The following TMF1 variants were observed in gnomAD, a reference collection of about 807,000 sequenced individuals.
TMF1 encodes TATA element modulatory factor 1.
In TMF1, 71 loss-of-function variants were observed where a neutral mutation model predicts 126.5. The observed-to-expected ratio is 0.56, with a 90% CI of 0.46 to 0.68. The LOEUF (loss-of-function observed/expected upper bound fraction) is 0.68. TMF1 is among the 30% of genes least tolerant of loss of function. The pLI is 0.00. For synonymous variants in TMF1, 461 were observed against 430.5 expected (o/e 1.07, Z -0.88); for missense variants, 1,259 against 1,253.2 (o/e 1.00, Z -0.07).
intron 8 of TMF1, among the ~76,000 whole-genome samples, chr3:69,037,540 G>A (rs1213365391): frequency 3.9e-5 from 6 of 152,188 alleles, no homozygotes; most frequent in African/African-American, 1.4e-4. Context: ...TACTCGGGAG[G>A]CTGAAGCAGG....
chr3:69,045,968 A>C (rs2091893627), intron 2 of TMF1, among the ~76,000 whole-genome samples: 1 of 151,814 alleles, frequency 6.6e-6, no homozygotes, highest in African/African-American at 2.4e-5. Flanking sequence ...AGGTGGGAGG[A>C]CTGCTTGAGC....
intron 8 of TMF1, among the ~76,000 whole-genome samples, chr3:69,036,692 C>T (rs1300756024): frequency 6.6e-6 from 1 of 152,088 alleles, no homozygotes; most frequent in African/African-American, 2.4e-5. Context: ...AAATGTTTTA[C>T]ACATACAAAA....
chr3:69,030,063 A>G (rs2091791205), intron 10 of TMF1, 56 bp from the exon 11 acceptor site: 1 of 1,459,582 alleles, frequency 6.9e-7, no homozygotes, highest in Admixed American at 2.2e-5. Flanking sequence ...AGACCAAAAT[A>G]CCAAGTCAAT....
Position 69,020,834 on chromosome 3 carries a change from G to GA in TMF1, c.*2342dup, listed in dbSNP as rs1198234698. 12 of 152,174 alleles carry GA rather than the reference G, an allele frequency of 7.9e-5. No homozygotes were observed. Among genetic ancestry groups the GA allele is most frequent in the African/African-American group, 2.9e-4 (12 of 41,502 alleles). 9.4% of individuals were successfully genotyped at this position (152,174 alleles called of 1,614,324 possible). The stretch of plus-strand genomic sequence containing the variant: ...GAAATTGTTAATACGGATAAAAAAA[G>GA]AATGTTTAATTTTATAAAATTGAAA... On this transcript the variant is annotated 3_prime_UTR_variant, in exon 17 of 17. Coordinates refer to ENST00000398559, the MANE Select transcript of TMF1 (RefSeq NM_007114.3).
At chr3:69,029,542 G>A (rs1204597718) in intron 11 of TMF1, among the ~76,000 whole-genome samples, 2 of 151,446 alleles carry the variant, frequency 1.3e-5, no homozygotes, top group Admixed American at 6.6e-5. Context: ...CCTCCCGGGT[G>A]TAAGCGATTC....
chr3:69,037,404 C>T (rs371034299), intron 8 of TMF1, among the ~76,000 whole-genome samples: 19 of 152,168 alleles, frequency 1.2e-4, no homozygotes, highest in Middle Eastern at 3.4e-3. Flanking sequence ...CTTTGGGAGG[C>T]GGAGGCGGGT....
intron 13 of TMF1, among the ~76,000 whole-genome samples, chr3:69,027,276 G>T (rs2091773830): frequency 6.6e-6 from 1 of 152,112 alleles, no homozygotes; most frequent in Non-Finnish European, 1.5e-5. Flanking sequence ...GATTACAGAT[G>T]TGAGTCCCCA....
intron 8 of TMF1, 178 bp from the exon 9 acceptor site, chr3:69,035,293 T>C (rs900705476): frequency 1.8e-5 from 10 of 561,984 alleles, no homozygotes; most frequent in Admixed American, 1.1e-4. Context: ...TAAAACTGTA[T>C]GTATATTCAA....
At chr3:69,029,197 C>T (rs2107456902) in intron 11 of TMF1, among the ~76,000 whole-genome samples, 1 of 152,038 alleles carries the variant, frequency 6.6e-6, no homozygotes, top group African/African-American at 2.4e-5. Flanking sequence ...CCATGCCTGG[C>T]TAATTTTTGT....
At chr3:69,039,114 TG>T in intron 6 of TMF1, 105 bp from the exon 7 acceptor site, 1 of 1,003,530 alleles carries the variant, frequency 1.0e-6, no homozygotes, top group Non-Finnish European at 1.4e-6. Flanking sequence ...TATATTTTTT[TG>T]AGACAAAGTC....
chr3:69,023,441 C>G (rs1477753648), intron 16 of TMF1, 121 bp from the exon 17 acceptor site: 1 of 819,940 alleles, frequency 1.2e-6, no homozygotes, highest in Non-Finnish European at 1.8e-6. Context: ...ATACTCATCT[C>G]TTTTAAAAAT....
chr3:69,039,769 G>T, intron 5 of TMF1, 76 bp from the exon 6 acceptor site: 1 of 1,465,620 alleles, frequency 6.8e-7, no homozygotes, highest in Non-Finnish European at 9.2e-7. Context: ...TTATCTAATA[G>T]TAACATAAAA....
chr3:69,037,206 G>C (rs2091836716), intron 8 of TMF1, among the ~76,000 whole-genome samples: 1 of 152,212 alleles, frequency 6.6e-6, no homozygotes, highest in Non-Finnish European at 1.5e-5. Flanking sequence ...TTAAGAGAAT[G>C]CAAATCAGCC....
intron 1 of TMF1, among the ~76,000 whole-genome samples, chr3:69,051,208 G>A (rs1292144282): frequency 6.6e-6 from 1 of 152,148 alleles, no homozygotes; most frequent in Non-Finnish European, 1.5e-5. Flanking sequence ...GCACATTACA[G>A]GCTCGTGCCT....
At chr3:69,035,230 C>T in intron 8 of TMF1, 115 bp from the exon 9 acceptor site, 1 of 775,482 alleles carries the variant, frequency 1.3e-6, no homozygotes, top group Non-Finnish European at 2.1e-6. Context: ...ATTTCATACT[C>T]TCCAATGAAC....
Position 69,027,970 on chromosome 3 carries a change from TCTAA to T in TMF1, c.2683_2686del (p.Leu895LysfsTer5), listed in dbSNP as rs2091779313. On this transcript the variant is annotated frameshift_variant, in exon 13 of 17. Coordinates refer to ENST00000398559, the MANE Select transcript of TMF1 (RefSeq NM_007114.3). LOFTEE classifies it high-confidence loss of function. ...TTGTTCAACTTTCATTCTTTCCATT[TCTAA>T]CTGACTATTCAACAATGTCTAATAG... 3 of 1,577,450 alleles carry T rather than the reference TCTAA, an allele frequency of 1.9e-6. No homozygotes were observed. Among genetic ancestry groups the T allele is most frequent in the Non-Finnish European group, 2.6e-6 (3 of 1,148,868 alleles).
chr3:69,039,106 T>C, intron 6 of TMF1, 97 bp from the exon 7 acceptor site: 1 of 1,042,040 alleles, frequency 9.6e-7, no homozygotes, highest in Non-Finnish European at 1.3e-6. Flanking sequence ...GAAAAATATA[T>C]ATTTTTTTGA....
At position 69,026,015 on chromosome 3, in the gene TMF1, T is replaced by A. The variant is rs752753542; in HGVS notation, c.2840A>T (p.Gln947Leu). ...CATCACCTGAGACAGAAAAGATGTC[T>A]GTAGTCCTGCCATATCAACACCACT... is the stretch of plus-strand genomic sequence containing the variant. The part of the protein sequence containing the change: ...SISGVDMAGL[Q>L]TSFLSQDESH... Residue 947 changes from glutamine (Q) to leucine (L), a missense_variant, in exon 14 of 17, where the codon CAG (glutamine) becomes CTG (leucine). By Grantham distance (113) the Gln-to-Leu change is moderately radical. Transcript: ENST00000398559. 7 of 1,613,410 alleles carry A rather than the reference T, an allele frequency of 4.3e-6. No homozygotes were observed. The South Asian group carries it at 7.7e-5, about 18-fold the overall frequency.
chr3:69,048,524 T>C lies in TMF1; in HGVS notation c.181A>G (p.Thr61Ala), dbSNP rs773980296. The C allele has an allele frequency of 1.9e-6, 3 of 1,613,302 alleles. No individual in the cohort carries two copies. The Admixed American group carries it at 5.0e-5, about 27-fold the overall frequency. ...SPVSGGWDTS[T>A]WGLKSNTEPQ... ...TCAGTGTTTGATTTCAACCCCCAGG[T>C]TGAAGTATCCCATCCTCCACTGACA... The change falls in exon 2 of 17, where the codon ACC (threonine) becomes GCC (alanine). Residue 61 changes from threonine to alanine, a missense_variant. Coordinates refer to ENST00000398559, the MANE Select transcript of TMF1 (RefSeq NM_007114.3).
Sources: gnomAD v4.1 joint callset for allele counts (sites outside exome capture counted in the v4.1 genomes callset) on GRCh38, gnomAD v4.1.1 for gene constraint, MANE v1.5 for transcripts, NCBI Gene and HGNC (gene_info 2026-07-23, HGNC 2026-07-21) for gene names.